RUNX3: variants seen among roughly 807,000 people sequenced by gnomAD.
RUNX3 encodes the protein runt-related transcription factor 3.
Under a neutral mutation model 27.7 loss-of-function variants are expected in RUNX3, and 10 were observed. The observed-to-expected ratio is 0.36, with a 90% CI of 0.22 to 0.61. The LOEUF (loss-of-function observed/expected upper bound fraction) is 0.61, where lower values mean the gene tolerates loss of function less well. Among genes scored for constraint, RUNX3 ranks in the 20% least tolerant of loss-of-function variants. The pLI, the probability that RUNX3 is intolerant of heterozygous loss-of-function variation, is 0.72. For missense variants in RUNX3, 469 were observed against 629.5 expected (o/e 0.75, Z 2.73); for synonymous variants, 270 against 269.2 (o/e 1.00, Z -0.03).
rs780686671 is a variant in RUNX3, at chr1:24,919,287, T to C, written c.497A>G (p.Tyr166Cys). Residue 166 changes from tyrosine (Y) to cysteine (C), a missense_variant, in exon 3 of 5, where the codon TAC becomes TGC. By Grantham distance (194) the Tyr-to-Cys change is radical. Coordinates refer to ENST00000308873, the MANE Select transcript of RUNX3 (RefSeq NM_004350.3). Reference sequence around the variant, plus strand: ...CACGGTCACCTTGATGGCTCGGTGGTAGGTCGCCACTTGGGTGGGGTTGGT... The same window carrying C: ...CACGGTCACCTTGATGGCTCGGTGGCAGGTCGCCACTTGGGTGGGGTTGGT... ...VFTNPTQVAT[Y>C]HRAIKVTVDG... 5.6e-6 allele frequency: 9 copies of C among 1,604,610 alleles called. No individual in the cohort carries two copies. Among genetic ancestry groups the C allele is most frequent in the Non-Finnish European group, 7.7e-6 (9 of 1,176,060 alleles).
Position 24,916,812 on chromosome 1 carries a change from G to T in RUNX3, c.544+2428C>A, listed in dbSNP as rs909918679. On this transcript the variant is annotated intron_variant, in intron 3 of 4. Coordinates refer to ENST00000308873, the MANE Select transcript of RUNX3 (RefSeq NM_004350.3). The surrounding 1 kb of genome is among the most constrained non-coding windows in gnomAD (Gnocchi z 4.8). The stretch of plus-strand genomic sequence containing the variant: ...CAGCCGCTGCCGGGGCCCAGAGAGG[G>T]AGGTCACCTGTCTCAGGTGGTGCAG... 2.0e-5 allele frequency among the ~76,000 whole-genome samples: 3 copies of T among 152,132 alleles called. No homozygotes were observed. Among genetic ancestry groups the T allele is most frequent in the African/African-American group, 7.2e-5 (3 of 41,408 alleles).
intron 2 of RUNX3, among the ~76,000 whole-genome samples, chr1:24,920,984 T>G (rs1248105397): frequency 6.6e-6 from 1 of 152,044 alleles, no homozygotes; most frequent in African/African-American, 2.4e-5. Flanking sequence ...CCAGACTTTA[T>G]CCCCCTATCC....
rs1414253863 is a variant in RUNX3, at chr1:24,916,533, T to C, written c.544+2707A>G. ...ACAGGGCCTGACGCAAGGGAGGGGG[T>C]TGCTCAGTGACCAGGAGCCGCTGAG... On this transcript the variant is annotated intron_variant, in intron 3 of 4. Transcript: ENST00000308873. The surrounding 1 kb of genome is among the most constrained non-coding windows in gnomAD (Gnocchi z 4.8). Among the ~76,000 whole-genome samples, 1 of 151,906 alleles carries C rather than the reference T, an allele frequency of 6.6e-6. No homozygotes were observed. The highest frequency in any genetic ancestry group is 1.9e-4 in the East Asian group (1 of 5,164).
chr1:24,942,490 G>A (rs1053319113), intron 2 of RUNX3, among the ~76,000 whole-genome samples: 6 of 152,118 alleles, frequency 3.9e-5, no homozygotes, highest in Non-Finnish European at 8.8e-5. Flanking sequence ...GGGGCTCTTG[G>A]CAATACTTTA....
chr1:24,942,539 A>G (rs1035476587), intron 2 of RUNX3, among the ~76,000 whole-genome samples: 2 of 152,138 alleles, frequency 1.3e-5, no homozygotes, highest in African/African-American at 4.8e-5. Context: ...AGCAGGTGAC[A>G]TGCGAGCTGA....
chr1:24,941,152 A>C (rs1200219452), intron 2 of RUNX3, among the ~76,000 whole-genome samples: 1 of 152,160 alleles, frequency 6.6e-6, no homozygotes, highest in Non-Finnish European at 1.5e-5. Flanking sequence ...AGGCCCTTGC[A>C]GCTGTCCTCA....
At chr1:24,930,777 A>G (rs1040857483), upstream of RUNX3, among the ~76,000 whole-genome samples, 2 of 152,178 alleles carry the variant, frequency 1.3e-5, no homozygotes, top group African/African-American at 2.4e-5. The surrounding 1 kb of genome is among the most constrained non-coding windows in gnomAD (Gnocchi z 4.1). Flanking sequence ...CCCGCACATT[A>G]TTCTGACCCA....
chr1:24,933,133 C>T (rs1641269032), upstream of RUNX3, among the ~76,000 whole-genome samples: 1 of 152,124 alleles, frequency 6.6e-6, no homozygotes, highest in Admixed American at 6.5e-5. Flanking sequence ...GCAGGGATCC[C>T]CAGGTATACC....
chr1:24,938,520 C>T (rs138125231), intron 2 of RUNX3, among the ~76,000 whole-genome samples: 109 of 152,264 alleles, frequency 7.2e-4, no homozygotes, highest in African/African-American at 2.4e-3. Flanking sequence ...CTTGTCCCGC[C>T]GCCTTTAGCC....
intron 1 of RUNX3, chr1:24,929,270 G>T: frequency 1.7e-6 from 1 of 605,074 alleles, no homozygotes. Flanking sequence ...TACCCGCAGG[G>T]CTGTATCTGA....
chr1:24,911,780 C>G (rs545435389), intron 3 of RUNX3, among the ~76,000 whole-genome samples: 39 of 152,164 alleles, frequency 2.6e-4, no homozygotes, highest in African/African-American at 8.9e-4. Context: ...ACGGGGCCAC[C>G]GAGGCTTCAC....
intron 3 of RUNX3, among the ~76,000 whole-genome samples, chr1:24,911,473 C>A (rs1300567113): frequency 6.6e-6 from 1 of 152,216 alleles, no homozygotes; most frequent in African/African-American, 2.4e-5. Context: ...TTCCCCCACC[C>A]CGAGCTGCGG....
rs114936516 is a variant in RUNX3 at position 24,920,678 on chromosome 1, G to A, written c.440-1334C>T. Among the ~76,000 whole-genome samples, 1,502 of 152,160 alleles carry A rather than the reference G, an allele frequency of 9.9e-3. 18 individuals are homozygous for A. The highest frequency in any genetic ancestry group is 0.02 in the Middle Eastern group (6 of 294). ...TGTATTTGTGGCCATCAGTTTCCCC[G>A]GGCACAGGCCTGCACATTTTGCCTT... On this transcript the variant is annotated intron_variant, in intron 2 of 4. Transcript: ENST00000308873.
chr1:24,922,191 CTTTCT>C (rs1243586927), intron 2 of RUNX3, among the ~76,000 whole-genome samples: 2 of 145,570 alleles, frequency 1.4e-5, no homozygotes, highest in African/African-American at 5.1e-5. Context: ...TCTTTCCTTT[CTTTCT>C]TTTTTTTTTT....
rs1349047637 is a variant in RUNX3 at position 24,916,599 on chromosome 1, G to A, written c.544+2641C>T. 3.9e-5 allele frequency among the ~76,000 whole-genome samples: 6 copies of A among 152,116 alleles called. No homozygotes were observed. The highest frequency in any genetic ancestry group is 9.7e-5 in the African/African-American group (4 of 41,420). On this transcript the variant is annotated intron_variant, in intron 3 of 4. Coordinates refer to ENST00000308873, the MANE Select transcript of RUNX3 (RefSeq NM_004350.3). The surrounding 1 kb of genome is among the most constrained non-coding windows in gnomAD (Gnocchi z 4.8). ...TTACAGATGGGGACGCTGAGGACCCGAAAGGCCAAGGATTTGTCCAGGGCC... is the reference window on the plus strand; with the variant it reads ...TTACAGATGGGGACGCTGAGGACCCAAAAGGCCAAGGATTTGTCCAGGGCC...
chr1:24,928,268 A>C (rs967924097), intron 1 of RUNX3, among the ~76,000 whole-genome samples: 3 of 152,256 alleles, frequency 2.0e-5, no homozygotes, highest in Non-Finnish European at 4.4e-5. Context: ...TATGCAGAGA[A>C]AATGCAGAAT....
intron 2 of RUNX3, among the ~76,000 whole-genome samples, chr1:24,944,256 C>T (rs1641550067): frequency 6.6e-6 from 1 of 152,140 alleles, no homozygotes; most frequent in African/African-American, 2.4e-5. Context: ...TTCCACTCTG[C>T]CCCTCCCTCA....
Position 24,914,887 on chromosome 1 carries a change from G to A in RUNX3, c.544+4353C>T, listed in dbSNP as rs1013109971. Among the ~76,000 whole-genome samples, 4 of 152,120 alleles carry A rather than the reference G, an allele frequency of 2.6e-5. No individual in the cohort carries two copies. The South Asian group carries it at 6.2e-4, about 24-fold the overall frequency. Reference sequence around the variant, plus strand: ...TGCTCACTTCAGGCCCCTGCTCAAAGGTCACCTCTTCAGGAGGCCTCCCCG... The same window carrying A: ...TGCTCACTTCAGGCCCCTGCTCAAAAGTCACCTCTTCAGGAGGCCTCCCCG... On this transcript the variant is annotated intron_variant, in intron 3 of 4. Transcript: ENST00000308873.
upstream of RUNX3, among the ~76,000 whole-genome samples, chr1:24,930,890 C>T (rs563745163): frequency 8.9e-4 from 136 of 152,260 alleles, 1 homozygote; most frequent in African/African-American, 3.2e-3. The surrounding 1 kb of genome is among the most constrained non-coding windows in gnomAD (Gnocchi z 4.1). Context: ...TCGGTGGCCC[C>T]TGTGCCAAAC....
Sources: gnomAD v4.1 joint callset for allele counts (sites outside exome capture counted in the v4.1 genomes callset) on GRCh38, gnomAD v4.1.1 for gene constraint, Gnocchi (gnomAD v3.1) non-coding constraint, MANE v1.5 for transcripts, NCBI Gene and HGNC (gene_info 2026-07-23, HGNC 2026-07-21) for gene names.